Variants in COL22A1 observed in about 807,000 individuals in gnomAD.
COL22A1 encodes the protein collagen alpha-1(XXII) chain.
Under a neutral mutation model 248.9 loss-of-function variants are expected in COL22A1, and 221 were observed. The observed-to-expected ratio is 0.89, with a 90% CI of 0.80 to 0.99. The LOEUF (loss-of-function observed/expected upper bound fraction) is 0.99, where lower values mean the gene tolerates loss of function less well. Among genes scored for constraint, COL22A1 ranks in the 50% least tolerant of loss-of-function variants. The probability of loss-of-function intolerance (pLI) is 0.00; values close to 1 mark genes in which losing one functional copy is unlikely to be tolerated. For missense variants in COL22A1, 2,240 were observed against 2,179.0 expected (o/e 1.03, Z -0.56); for synonymous variants, 891 against 793.4 (o/e 1.12, Z -2.07).
At chr8:138,594,220 G>A (rs200663003) in intron 62 of COL22A1, 21 bp from the exon 63 acceptor site, 70 of 1,557,124 alleles carry the variant, frequency 4.5e-5, no homozygotes, top group Non-Finnish European at 6.0e-5. Flanking sequence ...GAAAAAGAGA[G>A]GCATTTCATG....
chr8:138,870,292 A>G (rs966012156), intron 3 of COL22A1, among the ~76,000 whole-genome samples: 5 of 151,228 alleles, frequency 3.3e-5, no homozygotes, highest in African/African-American at 1.2e-4. Context: ...TGAACTGTGC[A>G]TTTGTATGTG....
chr8:138,665,858 G>C (rs761577781), intron 41 of COL22A1, among the ~76,000 whole-genome samples: 9 of 152,116 alleles, frequency 5.9e-5, no homozygotes, highest in Non-Finnish European at 1.2e-4. Flanking sequence ...GATCTGGCAG[G>C]TATCAAAAGA....
chr8:138,864,366 G>A (rs1300143481), intron 3 of COL22A1, among the ~76,000 whole-genome samples: 1 of 151,784 alleles, frequency 6.6e-6, no homozygotes, highest in African/African-American at 2.4e-5. Context: ...ACATGCAGAT[G>A]AGGCCCTCCT....
At chr8:138,874,929 A>G (rs1288223231) in intron 3 of COL22A1, among the ~76,000 whole-genome samples, 2 of 152,112 alleles carry the variant, frequency 1.3e-5, no homozygotes, top group Non-Finnish European at 2.9e-5. Context: ...GACATACTCC[A>G]TCCCTTCTCA....
intron 1 of COL22A1, among the ~76,000 whole-genome samples, chr8:138,901,455 C>T (rs991208115): frequency 7.3e-5 from 11 of 151,070 alleles, no homozygotes; most frequent in South Asian, 2.1e-4. Context: ...CAGCCTCTAC[C>T]TCCCAGGCTC....
intron 11 of COL22A1, among the ~76,000 whole-genome samples, chr8:138,800,143 G>T (rs1328374181): frequency 6.6e-6 from 1 of 152,158 alleles, no homozygotes; most frequent in African/African-American, 2.4e-5. Flanking sequence ...CTCTTGGAAC[G>T]GTGCCCTGGC....
At chr8:138,792,228 C>T (rs1020960802) in intron 12 of COL22A1, among the ~76,000 whole-genome samples, 1 of 152,226 alleles carries the variant, frequency 6.6e-6, no homozygotes. Flanking sequence ...CACTGTCGCA[C>T]CTCTAGGCCC....
intron 1 of COL22A1, among the ~76,000 whole-genome samples, chr8:138,911,966 C>G (rs1815482376): frequency 6.6e-6 from 1 of 152,170 alleles, no homozygotes; most frequent in Non-Finnish European, 1.5e-5. Context: ...TTGCGCAGTG[C>G]CTCAGTAGCA....
chr8:138,783,574 C>T (rs973915916), intron 12 of COL22A1, among the ~76,000 whole-genome samples: 4 of 152,158 alleles, frequency 2.6e-5, no homozygotes, highest in Non-Finnish European at 5.9e-5. Context: ...GTGGGTCTGC[C>T]TTTCCCAGCC....
intron 12 of COL22A1, 83 bp downstream of exon 12, chr8:138,796,736 C>T (rs1816572461): frequency 3.2e-6 from 3 of 947,086 alleles, no homozygotes; most frequent in East Asian, 2.4e-5. Flanking sequence ...TTCCAGGCAA[C>T]ATAACAGTAG....
At chr8:138,593,418 A>G (rs117975437) in intron 63 of COL22A1, among the ~76,000 whole-genome samples, 2 of 152,184 alleles carry the variant, frequency 1.3e-5, no homozygotes, top group Admixed American at 1.3e-4. Flanking sequence ...GTTAAAAAAA[A>G]AGTTTTTAAA....
At chr8:138,605,758 A>C (rs1587654246) in intron 58 of COL22A1, among the ~76,000 whole-genome samples, 1 of 152,198 alleles carries the variant, frequency 6.6e-6, no homozygotes, top group East Asian at 1.9e-4. Context: ...TGAATCCCTC[A>C]GCATCTCCCT....
chr8:138,653,875 C>A (rs1822975350), intron 45 of COL22A1, among the ~76,000 whole-genome samples: 1 of 152,138 alleles, frequency 6.6e-6, no homozygotes, highest in Admixed American at 6.5e-5. Flanking sequence ...CCAGACCTGG[C>A]CAAATCCACT....
At chr8:138,884,976 T>C (rs1338878507) in intron 1 of COL22A1, among the ~76,000 whole-genome samples, 1 of 151,872 alleles carries the variant, frequency 6.6e-6, no homozygotes, top group Admixed American at 6.6e-5. Flanking sequence ...TTTCTAGGAT[T>C]ATCCCCCTGA....
At chr8:138,743,261 G>T (rs1221335341) in intron 22 of COL22A1, among the ~76,000 whole-genome samples, 1 of 149,942 alleles carries the variant, frequency 6.7e-6, no homozygotes, top group East Asian at 2.0e-4. Flanking sequence ...GGTGATGGTG[G>T]TAGTGATTGT....
At chr8:138,848,703 A>C (rs1311019258) in intron 3 of COL22A1, among the ~76,000 whole-genome samples, 1 of 152,182 alleles carries the variant, frequency 6.6e-6, no homozygotes, top group Non-Finnish European at 1.5e-5. Context: ...AACTCACAAC[A>C]ACCATCCTAC....
chr8:138,768,525 G>T (rs73361020), intron 16 of COL22A1, among the ~76,000 whole-genome samples: 1 of 152,118 alleles, frequency 6.6e-6, no homozygotes, highest in Middle Eastern at 3.2e-3. Context: ...CAATCACAAC[G>T]GACTCGTTTA....
At chr8:138,640,487 A>G (rs180922340) in intron 47 of COL22A1, among the ~76,000 whole-genome samples, 471 of 152,118 alleles carry the variant, frequency 3.1e-3, no homozygotes, top group African/African-American at 0.01. Flanking sequence ...TTTCTCCACC[A>G]ATAGCTGGTA....
At chr8:138,675,221 G>A (rs943785694) in intron 41 of COL22A1, among the ~76,000 whole-genome samples, 2 of 152,212 alleles carry the variant, frequency 1.3e-5, no homozygotes, top group African/African-American at 4.8e-5. Flanking sequence ...GAGGACGAAG[G>A]AGAATTTCAG....
Sources: gnomAD v4.1 joint callset for allele counts (sites outside exome capture counted in the v4.1 genomes callset) on GRCh38, gnomAD v4.1.1 for gene constraint, MANE v1.5 for transcripts, NCBI Gene and HGNC (gene_info 2026-07-23, HGNC 2026-07-21) for gene names.